The following BRD3 variants were observed in gnomAD, a reference collection of about 807,000 sequenced individuals.
The protein encoded by BRD3 is bromodomain containing 3.
BRD3 carries 17 observed loss-of-function variants against 66.8 expected under a neutral mutation model. That is an observed-to-expected ratio of 0.25 (90% CI 0.17 to 0.38). The LOEUF is 0.38. BRD3 is among the 10% of genes least tolerant of loss of function. The pLI, the probability that BRD3 is intolerant of heterozygous loss-of-function variation, is 1.00. For missense variants in BRD3, 713 were observed against 956.1 expected, an observed-to-expected ratio of 0.75 and a Z score of 3.35; for synonymous variants, 421 against 393.2, an observed-to-expected ratio of 1.07 and a Z score of -0.84.
chr9:134,034,180 C>A (rs994393831), intron 11 of BRD3, among the ~76,000 whole-genome samples: 1 of 152,268 alleles, frequency 6.6e-6, no homozygotes, highest in African/African-American at 2.4e-5. Flanking sequence ...TACTGTCCCC[C>A]CCATATGTGT....
rs555025118 is a variant in BRD3 at position 134,031,523 on chromosome 9, A to G, written c.*2067T>C. ...AAACGAGGGTAACTTTAAAAAATGGAAACTTTCAAATCCATTTATATTTTT... is the reference window on the plus strand; with the variant it reads ...AAACGAGGGTAACTTTAAAAAATGGGAACTTTCAAATCCATTTATATTTTT... On this transcript the variant is annotated 3_prime_UTR_variant, in exon 12 of 12. Transcript: ENST00000303407. 4 of 201,888 alleles carry G rather than the reference A, an allele frequency of 2.0e-5. No homozygotes were observed. The highest frequency in any genetic ancestry group is 3.0e-5 in the Non-Finnish European group (3 of 98,362). The allele number at this position is 201,888 out of a possible 1,614,324, so 12.5% of individuals were successfully genotyped here. A position where few individuals can be genotyped will look rare whatever the true frequency, so the allele number is the denominator to read the frequency against.
intron 7 of BRD3, among the ~76,000 whole-genome samples, chr9:134,044,480 A>C (rs895575871): frequency 6.6e-6 from 1 of 152,210 alleles, no homozygotes; most frequent in Non-Finnish European, 1.5e-5. Context: ...AGCATGCTGG[A>C]AGAGAACACA....
chr9:134,049,659 C>A (rs1319797005), intron 5 of BRD3, among the ~76,000 whole-genome samples: 1 of 152,244 alleles, frequency 6.6e-6, no homozygotes, highest in Non-Finnish European at 1.5e-5. Context: ...GGGGAAGCAA[C>A]GGAGGTGGCA....
chr9:134,063,015 G>C (rs1040678895), intron 1 of BRD3, among the ~76,000 whole-genome samples: 53 of 152,152 alleles, frequency 3.5e-4, no homozygotes, highest in African/African-American at 1.2e-3. Flanking sequence ...CTCTCAGCCG[G>C]CCTGACAAGA....
intron 1 of BRD3, among the ~76,000 whole-genome samples, chr9:134,067,543 G>A (rs1830691268): frequency 6.8e-6 from 1 of 148,096 alleles, no homozygotes; most frequent in African/African-American, 2.4e-5. Context: ...ATGGCGGGCG[G>A]AGGAAAGGGG....
chr9:134,048,778 T>G (rs535465591), intron 5 of BRD3, among the ~76,000 whole-genome samples: 21 of 152,304 alleles, frequency 1.4e-4, no homozygotes, highest in African/African-American at 4.6e-4. Flanking sequence ...CCAAGCCATG[T>G]GAGGTGCTGC....
chr9:134,031,362 G>A lies in BRD3; in HGVS notation c.*2228C>T, dbSNP rs1374902239. The A allele has an allele frequency of 1.9e-5, 4 of 208,384 alleles. 1 individual carries two copies. The South Asian group carries it at 7.6e-4, about 39-fold the overall frequency. The allele number at this position is 208,384 out of a possible 1,614,324, so 12.9% of individuals were successfully genotyped here. On this transcript the variant is annotated 3_prime_UTR_variant, in exon 12 of 12. Transcript: ENST00000303407. ...CAGCCCCAGGCACCCCCGGCTTAGG[G>A]TGTACGTATCACCCAGCCCTGTGCT...
intron 1 of BRD3, among the ~76,000 whole-genome samples, chr9:134,067,384 TCCCCAGGCGCGGG>T (rs148665928): frequency 0.13 from 19,641 of 148,778 alleles, 1,535 homozygotes; most frequent in Middle Eastern, 0.22. Flanking sequence ...GCGGCGACGG[TCCCCAGGCGCGGG>T]CCCCAGCAAC....
rs572044964 is a variant in BRD3 at position 134,062,139 on chromosome 9, G to A, written c.-114+5806C>T. The stretch of plus-strand genomic sequence containing the variant: ...GTAGCCCTGGAGGAGCCCTGGGGAG[G>A]GCAGCTGGGCATCGTGGGCCCCACC... On this transcript the variant is annotated intron_variant, in intron 1 of 11. Coordinates refer to ENST00000303407, the MANE Select transcript of BRD3 (RefSeq NM_007371.4). 3.9e-5 allele frequency among the ~76,000 whole-genome samples: 6 copies of A among 152,312 alleles called. No homozygotes were observed. The South Asian group carries it at 1.2e-3, about 32-fold the overall frequency.
intron 1 of BRD3, chr9:134,058,672 G>A (rs1274541548): frequency 2.0e-5 from 3 of 152,268 alleles, no homozygotes; most frequent in African/African-American, 7.2e-5. Context: ...CCCTACCCCA[G>A]GGTCTGAGAT....
At chr9:134,039,715 G>A (rs1292453158) in intron 9 of BRD3, among the ~76,000 whole-genome samples, 1 of 152,194 alleles carries the variant, frequency 6.6e-6, no homozygotes, top group African/African-American at 2.4e-5. Context: ...GTCCAAAACG[G>A]GGCGTTCAAC....
At chr9:134,036,551 C>G in intron 9 of BRD3, 1 of 1,610,458 alleles carries the variant, frequency 6.2e-7, no homozygotes, top group Non-Finnish European at 8.5e-7. Flanking sequence ...CCTCTCTACA[C>G]CCCATAGGCG....
intron 9 of BRD3, among the ~76,000 whole-genome samples, chr9:134,037,894 T>G (rs1235038110): frequency 2.6e-5 from 4 of 152,150 alleles, no homozygotes; most frequent in African/African-American, 7.2e-5. Context: ...CCAATAGACT[T>G]ATGTCCATAA....
At chr9:134,034,925 C>A (rs1477878422) in intron 10 of BRD3, 96 bp from the exon 11 acceptor site, 1 of 1,550,792 alleles carries the variant, frequency 6.4e-7, no homozygotes, top group South Asian at 1.1e-5. Flanking sequence ...GCCCTGCACA[C>A]TGGCATCCAT....
intron 1 of BRD3, among the ~76,000 whole-genome samples, chr9:134,063,684 C>T (rs1456810604): frequency 1.3e-5 from 2 of 152,146 alleles, no homozygotes; most frequent in African/African-American, 4.8e-5. Flanking sequence ...TCCCAGGTAC[C>T]GACTCTTAGT....
rs1223690756 is a variant in BRD3 at position 134,033,827 on chromosome 9, C to T, written c.2066-122G>A. On this transcript the variant is annotated intron_variant, in intron 11 of 11. Transcript: ENST00000303407. The surrounding 1 kb of genome is among the most constrained non-coding windows in gnomAD (Gnocchi z 5.1). ...TGCCACGACCCACCCACTTCCTGAC[C>T]CAGTCGTTTAATAAGTATTTATTGA... 9 of 592,828 alleles carry T rather than the reference C, an allele frequency of 1.5e-5. No individual in the cohort carries two copies. Among genetic ancestry groups the T allele is most frequent in the African/African-American group, 5.6e-5 (3 of 53,900 alleles). The allele number at this position is 592,828 out of a possible 1,614,324, so 36.7% of individuals were successfully genotyped here.
At position 134,053,482 on chromosome 9, in the gene BRD3, C is replaced by T. The variant is rs746874478; in HGVS notation, c.-5G>A. 9 of 1,584,882 alleles carry T rather than the reference C, an allele frequency of 5.7e-6. No homozygotes were observed. Among genetic ancestry groups the T allele is most frequent in the African/African-American group, 2.7e-5 (2 of 74,542 alleles). ...GACTGTCGTGGCGGTGGACATCCTC[C>T]GGCAGCTCACTCACTTTCTGTCACA... is the stretch of plus-strand genomic sequence containing the variant. On this transcript the variant is annotated 5_prime_UTR_variant, in exon 2 of 12. Transcript: ENST00000303407.
At chr9:134,068,412 C>A (rs1830717748), upstream of BRD3, 1 of 150,114 alleles carries the variant, frequency 6.7e-6, no homozygotes, top group Admixed American at 6.6e-5. Flanking sequence ...AGCACCGCAG[C>A]CCCCGTCCGG....
intron 2 of BRD3, 28 bp downstream of exon 2, chr9:134,053,237 G>A (rs369763169): frequency 6.2e-7 from 1 of 1,611,364 alleles, no homozygotes; most frequent in Admixed American, 1.7e-5. Context: ...AGCAGAACGT[G>A]GCTCTTGGGG....
Sources: allele counts gnomAD v4.1 joint callset (sites outside exome capture counted in the v4.1 genomes callset), GRCh38; gene constraint gnomAD v4.1.1; non-coding constraint Gnocchi (gnomAD v3.1); transcripts MANE v1.5; gene names NCBI Gene and HGNC (gene_info 2026-07-23, HGNC 2026-07-21).